Variants in DCDC1 observed in about 807,000 individuals in gnomAD.
The protein encoded by DCDC1 is doublecortin domain-containing protein 1.
In DCDC1, 200 loss-of-function variants were observed where a neutral mutation model predicts 178.3. The observed-to-expected ratio is 1.12, with a 90% CI of 1.00 to 1.26. DCDC1 has a LOEUF of 1.26. DCDC1 is among the 50% of genes most tolerant of loss of function. The probability of loss-of-function intolerance (pLI) is 0.00; values close to 1 mark genes in which losing one functional copy is unlikely to be tolerated. For missense variants in DCDC1, 1,983 were observed against 1,749.2 expected, an observed-to-expected ratio of 1.13 and a Z score of -2.38; for synonymous variants, 690 against 604.8, an observed-to-expected ratio of 1.14 and a Z score of -2.07.
intron 9 of DCDC1, among the ~76,000 whole-genome samples, chr11:31,218,128 C>T (rs1973810141): frequency 1.3e-5 from 2 of 151,092 alleles, no homozygotes. Flanking sequence ...AAAAAAAAGT[C>T]GTAATATAAA....
chr11:31,211,005 GAA>G (rs1972465766), intron 9 of DCDC1, among the ~76,000 whole-genome samples: 2 of 152,098 alleles, frequency 1.3e-5, no homozygotes, highest in Non-Finnish European at 2.9e-5. Flanking sequence ...AAATTCTGAA[GAA>G]GGCTATTTTG....
At chr11:30,940,396 A>T (rs1947555901) in intron 21 of DCDC1, among the ~76,000 whole-genome samples, 1 of 152,028 alleles carries the variant, frequency 6.6e-6, no homozygotes, top group African/African-American at 2.4e-5. Context: ...ACCTCTCCCC[A>T]GTTCCTGTTT....
rs36063214 is a variant in DCDC1 at position 31,109,119 on chromosome 11, ATTT to A, written c.1587+1138_1587+1140del. 1.2e-3 allele frequency among the ~76,000 whole-genome samples: 163 copies of A among 139,192 alleles called. 1 individual carries two copies. The East Asian group carries it at 0.018, about 15-fold the overall frequency. The allele number at this position is 139,192 out of a possible 152,430, so 91.3% of individuals were successfully genotyped here. A position where few individuals can be genotyped will look rare whatever the true frequency, so the allele number is the denominator to read the frequency against. ...AAAGTTTCTATAGAATAATATCTTC[ATTT>A]TTTTTTTTTTTTTTGAGACAGGGTC... is the stretch of plus-strand genomic sequence containing the variant. On this transcript the variant is annotated intron_variant, in intron 12 of 38. Coordinates refer to ENST00000684477, the MANE Select transcript of DCDC1 (RefSeq NM_001387274.1).
rs1945851997 is a variant in DCDC1, at chr11:30,916,619, AGCATACT to A, written c.3452+244_3452+250del. On this transcript the variant is annotated intron_variant, in intron 26 of 38. Coordinates refer to ENST00000684477, the MANE Select transcript of DCDC1 (RefSeq NM_001387274.1). ...AGTTGTCAGGAGGCAAAGGTGGATA[AGCATACT>A]GTTTAATAGAAAAAAACACACAAAT... Among the ~76,000 whole-genome samples, 4 of 152,340 alleles carry A rather than the reference AGCATACT, an allele frequency of 2.6e-5. No individual in the cohort carries two copies. In the South Asian group the frequency reaches 8.3e-4, roughly 32 times the overall value.
intron 20 of DCDC1, among the ~76,000 whole-genome samples, chr11:31,052,652 C>T (rs1474390077): frequency 6.6e-6 from 1 of 152,090 alleles, no homozygotes; most frequent in Non-Finnish European, 1.5e-5. Flanking sequence ...ACATCAAACA[C>T]TCTCGAAGAC....
At chr11:31,091,268 T>C (rs1957805239) in intron 17 of DCDC1, 125 bp downstream of exon 17, 1 of 565,366 alleles carries the variant, frequency 1.8e-6, no homozygotes, top group Non-Finnish European at 3.2e-6. Flanking sequence ...AATATTGTTA[T>C]TATGAACACA....
At chr11:30,972,992 C>A (rs1565141042) in intron 20 of DCDC1, among the ~76,000 whole-genome samples, 1 of 152,038 alleles carries the variant, frequency 6.6e-6, no homozygotes, top group Non-Finnish European at 1.5e-5. Context: ...GTAGCACCGG[C>A]CAGGCGTGGT....
At chr11:31,139,033 T>TG (rs1418032042) in intron 9 of DCDC1, among the ~76,000 whole-genome samples, 1 of 150,040 alleles carries the variant, frequency 6.7e-6, no homozygotes, top group Non-Finnish European at 1.5e-5. Flanking sequence ...TTTATGGGGG[T>TG]GGGGGGAGAA....
rs983577741 is a variant in DCDC1 at position 31,253,033 on chromosome 11, T to C, written c.1055-11417A>G. The stretch of plus-strand genomic sequence containing the variant: ...TCATTATCATTTGTCTTATACTACA[T>C]TGAGTATCAAATATGAGAATCTTCT... On this transcript the variant is annotated intron_variant, in intron 8 of 38. Transcript: ENST00000684477. 8.5e-5 allele frequency among the ~76,000 whole-genome samples: 13 copies of C among 152,258 alleles called. 1 individual carries two copies. The highest frequency in any genetic ancestry group is 2.1e-4 in the South Asian group (1 of 4,822).
intron 9 of DCDC1, among the ~76,000 whole-genome samples, chr11:31,208,208 C>T (rs940149725): frequency 2.0e-5 from 3 of 152,208 alleles, no homozygotes; most frequent in East Asian, 3.9e-4. Flanking sequence ...ACCTACTCAG[C>T]CTCTTGGTTT....
chr11:31,096,918 T>C (rs970382100), intron 15 of DCDC1, among the ~76,000 whole-genome samples: 1 of 152,214 alleles, frequency 6.6e-6, no homozygotes, highest in African/African-American at 2.4e-5. Context: ...TGTATGTGTG[T>C]GTGTGTGTGT....
At chr11:31,247,077 A>G in intron 8 of DCDC1, among the ~76,000 whole-genome samples, 1 of 152,104 alleles carries the variant, frequency 6.6e-6, no homozygotes, top group East Asian at 1.9e-4. Context: ...ACAGGATCAA[A>G]CAGAATAGTG....
intron 9 of DCDC1, among the ~76,000 whole-genome samples, chr11:31,227,003 TAATG>T (rs1036477225): frequency 1.3e-5 from 2 of 152,112 alleles, no homozygotes; most frequent in African/African-American, 4.8e-5. Flanking sequence ...TCTTACATTA[TAATG>T]AATAAGTATT....
At chr11:30,952,155 A>T (rs777937149) in intron 21 of DCDC1, among the ~76,000 whole-genome samples, 1 of 152,234 alleles carries the variant, frequency 6.6e-6, no homozygotes, top group Non-Finnish European at 1.5e-5. Context: ...TAGAAGTTTC[A>T]ATCCACCAGG....
At chr11:31,159,384 C>T (rs971537998) in intron 9 of DCDC1, among the ~76,000 whole-genome samples, 1 of 152,006 alleles carries the variant, frequency 6.6e-6, no homozygotes, top group Non-Finnish European at 1.5e-5. Context: ...AGGGCAAATG[C>T]TTCCCACAAC....
rs149900334 is a variant in DCDC1, at chr11:31,187,980, C to T, written c.1222-50196G>A. Among the ~76,000 whole-genome samples the T allele has an allele frequency of 7.2e-5, 11 of 152,208 alleles. 1 individual carries two copies. In the East Asian group the frequency reaches 2.1e-3, roughly 29 times the overall value. ...TTGCACAGCAATTGCATTTATAACA[C>T]CTCATCTAATCTTTTTTAATTTTTT... On this transcript the variant is annotated intron_variant, in intron 9 of 38. Coordinates refer to ENST00000684477, the MANE Select transcript of DCDC1 (RefSeq NM_001387274.1).
intron 8 of DCDC1, among the ~76,000 whole-genome samples, chr11:31,255,774 G>T (rs574450264): frequency 6.6e-6 from 1 of 151,922 alleles, no homozygotes; most frequent in Non-Finnish European, 1.5e-5. Flanking sequence ...TCTATGGTTT[G>T]TCTTTTCACT....
At chr11:31,233,681 T>C (rs1351339645) in intron 9 of DCDC1, among the ~76,000 whole-genome samples, 3 of 152,208 alleles carry the variant, frequency 2.0e-5, no homozygotes, top group Admixed American at 2.0e-4. Flanking sequence ...TTGTTTTGTT[T>C]TCAAAATATT....
At chr11:31,091,580 T>C (rs1433196714) in intron 16 of DCDC1, 69 bp from the exon 17 acceptor site, 2 of 692,398 alleles carry the variant, frequency 2.9e-6, no homozygotes, top group Admixed American at 2.1e-5. Flanking sequence ...CAACAATGTG[T>C]CACAAATAGT....
Sources: allele counts gnomAD v4.1 joint callset (sites outside exome capture counted in the v4.1 genomes callset), GRCh38; gene constraint gnomAD v4.1.1; transcripts MANE v1.5; gene names NCBI Gene and HGNC (gene_info 2026-07-23, HGNC 2026-07-21).